The following PMF1 variants were observed in gnomAD, a reference collection of about 807,000 sequenced individuals.
The protein encoded by PMF1 is polyamine-modulated factor 1.
A neutral mutation model predicts 26.7 loss-of-function variants in PMF1; 21 were observed. The observed-to-expected ratio is 0.79, with a 90% CI of 0.56 to 1.13. The LOEUF is 1.13. PMF1 is among the 50% of genes most tolerant of loss of function. PMF1 has a pLI of 0.00. For missense variants in PMF1, 266 were observed against 254.9 expected, an observed-to-expected ratio of 1.04 and a Z score of -0.30; for synonymous variants, 105 against 101.0, an observed-to-expected ratio of 1.04 and a Z score of -0.24.
intron 1 of PMF1, among the ~76,000 whole-genome samples, chr1:156,224,570 A>G (rs925819570): frequency 3.3e-5 from 5 of 151,974 alleles, no homozygotes; most frequent in Admixed American, 2.0e-4. Context: ...AGGTCAGGAG[A>G]CCGAGACCAC....
intron 2 of PMF1, among the ~76,000 whole-genome samples, chr1:156,233,154 AT>A (rs1384587486): frequency 2.0e-5 from 3 of 151,420 alleles, no homozygotes; most frequent in Non-Finnish European, 2.9e-5. Flanking sequence ...TTCCTTAATT[AT>A]TTTTGTTTGC....
At chr1:156,233,274 C>T (rs1449202447) in intron 2 of PMF1, among the ~76,000 whole-genome samples, 3 of 151,730 alleles carry the variant, frequency 2.0e-5, no homozygotes, top group Non-Finnish European at 2.9e-5. Flanking sequence ...GTGCCTCAGC[C>T]TCCCGAGTAG....
intron 1 of PMF1, among the ~76,000 whole-genome samples, chr1:156,217,797 T>G (rs1281840335): frequency 6.6e-6 from 1 of 152,106 alleles, no homozygotes; most frequent in Non-Finnish European, 1.5e-5. Flanking sequence ...AGCTTCTTAG[T>G]GCTGCCTGTC....
chr1:156,216,855 C>T lies in PMF1; in HGVS notation c.161+3679C>T, dbSNP rs1213995262. Among the ~76,000 whole-genome samples the T allele has an allele frequency of 2.6e-5, 4 of 152,094 alleles. No homozygotes were observed. The East Asian group carries it at 5.8e-4, about 22-fold the overall frequency. ...TGGCCGGCCGGCCCGCCTCCGCTCCCGGGGGGCTCTAATGTGGCACATATA... is the reference window on the plus strand; with the variant it reads ...TGGCCGGCCGGCCCGCCTCCGCTCCTGGGGGGCTCTAATGTGGCACATATA... On this transcript the variant is annotated intron_variant, in intron 1 of 4. Coordinates refer to ENST00000368277, the MANE Select transcript of PMF1 (RefSeq NM_007221.4).
At chr1:156,227,517 G>A (rs924413366) in intron 1 of PMF1, among the ~76,000 whole-genome samples, 5 of 145,120 alleles carry the variant, frequency 3.4e-5, no homozygotes, top group African/African-American at 5.1e-5. Flanking sequence ...TTTTTTTTGA[G>A]ACAGAGTCTT....
chr1:156,232,156 G>C (rs895081204), intron 1 of PMF1, among the ~76,000 whole-genome samples, 164 bp from the exon 2 acceptor site: 4 of 152,156 alleles, frequency 2.6e-5, no homozygotes, highest in Non-Finnish European at 4.4e-5. Flanking sequence ...AACCATCCTC[G>C]GTGACTCGTG....
intron 1 of PMF1, among the ~76,000 whole-genome samples, chr1:156,228,462 G>C (rs1658513053): frequency 6.6e-6 from 1 of 151,774 alleles, no homozygotes; most frequent in African/African-American, 2.4e-5. Flanking sequence ...ACATTGTCCT[G>C]TTAGCATATA....
chr1:156,234,506 T>G (rs529501073), intron 3 of PMF1, among the ~76,000 whole-genome samples: 202 of 145,476 alleles, frequency 1.4e-3, no homozygotes, highest in African/African-American at 3.8e-3. Context: ...ATCGATATTG[T>G]TTTTTTTTTC....
intron 1 of PMF1, among the ~76,000 whole-genome samples, chr1:156,231,685 G>A (rs1658717017): frequency 6.6e-6 from 1 of 151,930 alleles, no homozygotes; most frequent in South Asian, 2.1e-4. Flanking sequence ...CCGGGTGACA[G>A]AGCGAGACTG....
At chr1:156,217,438 A>G (rs6681168) in intron 1 of PMF1, among the ~76,000 whole-genome samples, 31 of 152,166 alleles carry the variant, frequency 2.0e-4, no homozygotes, top group African/African-American at 6.0e-4. Flanking sequence ...AGATCTAACC[A>G]TGTCAGGCCA....
At chr1:156,227,074 C>A (rs1170152476) in intron 1 of PMF1, among the ~76,000 whole-genome samples, 4 of 152,216 alleles carry the variant, frequency 2.6e-5, no homozygotes, top group African/African-American at 7.2e-5. Context: ...GTCTTACATG[C>A]TGCTGTGCAT....
Position 156,213,110 on chromosome 1 carries a change from T to G in PMF1, c.95T>G (p.Ile32Ser), listed in dbSNP as rs769670305. Residue 32 changes from isoleucine (I) to serine (S), a missense_variant, in exon 1 of 5, where the codon ATT (isoleucine) becomes AGT (serine). Ile to Ser is a moderately radical substitution (Grantham distance 142). Coordinates refer to ENST00000368277, the MANE Select transcript of PMF1 (RefSeq NM_007221.4). ...SSESVPPGTT[I>S]SRVKLLDTMV... ...GAATCTGTGCCACCCGGCACTACCA[T>G]TTCGAGGGTGAAGCTCCTCGACACC... is the stretch of plus-strand genomic sequence containing the variant. 1 of 1,614,172 alleles carries G rather than the reference T, an allele frequency of 6.2e-7. No individual in the cohort carries two copies. Among genetic ancestry groups the G allele is most frequent in the South Asian group, 1.1e-5 (1 of 91,082 alleles).
intron 3 of PMF1, among the ~76,000 whole-genome samples, chr1:156,234,504 TG>T (rs1658896369): frequency 6.7e-6 from 1 of 149,322 alleles, no homozygotes; most frequent in East Asian, 2.0e-4. Context: ...TGATCGATAT[TG>T]TTTTTTTTTT....
chr1:156,239,677 C>A lies in PMF1; in HGVS notation c.*76C>A, dbSNP rs1659237288. The A allele has an allele frequency of 3.1e-6, 4 of 1,272,914 alleles. No homozygotes were observed. In the African/African-American group the frequency reaches 5.9e-5, roughly 19 times the overall value. The allele number at this position is 1,272,914 out of a possible 1,614,324, so 78.9% of individuals were successfully genotyped here. A position where few individuals can be genotyped will look rare whatever the true frequency, so the allele number is the denominator to read the frequency against. On this transcript the variant is annotated 3_prime_UTR_variant, in exon 5 of 5. Coordinates refer to ENST00000368277, the MANE Select transcript of PMF1 (RefSeq NM_007221.4). ...GTCCAGCATGCCTGGCCTGGGCGGG[C>A]TACCTCTGAGAACGGCTGAAATGGT...
At chr1:156,222,579 T>C (rs1658142972) in intron 1 of PMF1, among the ~76,000 whole-genome samples, 1 of 152,012 alleles carries the variant, frequency 6.6e-6, no homozygotes, top group Non-Finnish European at 1.5e-5. Context: ...ATGGGGTTTC[T>C]CCATGTTGAT....
At chr1:156,225,573 T>C (rs770722618) in intron 1 of PMF1, 1 of 1,555,242 alleles carries the variant, frequency 6.4e-7, no homozygotes, top group Admixed American at 1.9e-5. Context: ...ACTCCTTCAT[T>C]GGGACGGAAG....
chr1:156,236,523 T>G (rs146785001), intron 4 of PMF1, 40 bp downstream of exon 4: 1 of 1,552,244 alleles, frequency 6.4e-7, no homozygotes, highest in African/African-American at 1.4e-5. Context: ...CCTTCTCTAA[T>G]GGGCCCTCTG....
intron 1 of PMF1, among the ~76,000 whole-genome samples, chr1:156,213,987 T>C (rs1160210205): frequency 1.3e-5 from 2 of 152,116 alleles, no homozygotes; most frequent in Non-Finnish European, 1.5e-5. Context: ...TCTTGGCTCA[T>C]TGCAACCTCC....
chr1:156,232,585 T>C (rs1658779006), intron 2 of PMF1, among the ~76,000 whole-genome samples, 160 bp downstream of exon 2: 1 of 152,174 alleles, frequency 6.6e-6, no homozygotes, highest in South Asian at 2.1e-4. Flanking sequence ...GTCACTCCCC[T>C]CCAAATGATG....
Sources: allele counts gnomAD v4.1 joint callset (sites outside exome capture counted in the v4.1 genomes callset), GRCh38; gene constraint gnomAD v4.1.1; transcripts MANE v1.5; gene names NCBI Gene and HGNC (gene_info 2026-07-23, HGNC 2026-07-21).